PXYLP1: variants seen among roughly 807,000 people sequenced by gnomAD.
The protein encoded by PXYLP1 is acid phosphatase-like 2.
PXYLP1 carries 17 observed loss-of-function variants against 37.9 expected under a neutral mutation model. The observed-to-expected ratio is 0.45, with a 90% CI of 0.31 to 0.67. The LOEUF is 0.67. Among genes scored for constraint, PXYLP1 ranks in the 30% least tolerant of loss-of-function variants. PXYLP1 has a pLI of 0.07. For missense variants in PXYLP1, 511 were observed against 612.0 expected, an observed-to-expected ratio of 0.84 and a Z score of 1.74; for synonymous variants, 221 against 232.2, an observed-to-expected ratio of 0.95 and a Z score of 0.44.
intron 2 of PXYLP1, among the ~76,000 whole-genome samples, chr3:141,276,046 A>G (rs1941786946): frequency 6.6e-6 from 1 of 152,232 alleles, no homozygotes; most frequent in Non-Finnish European, 1.5e-5. Flanking sequence ...ACAACTGCTT[A>G]CAACATTCAG....
chr3:141,262,020 T>A (rs1941404724), intron 2 of PXYLP1: 1 of 153,134 alleles, frequency 6.5e-6, no homozygotes, highest in Non-Finnish European at 1.5e-5. Context: ...TGTTGCAGTT[T>A]GAATGATGGA....
In PXYLP1 at chr3:141,236,527, A is replaced by G. The variant is rs567882034; in HGVS notation, c.-54+4616A>G. ...TCCCACCCCTCAGTTATTCAGAGAC[A>G]TGTGTCTTTTCAACCAACAAAACCA... On this transcript the variant is annotated intron_variant, in intron 1 of 5. Transcript: ENST00000286353. 24 of 152,254 alleles carry G rather than the reference A, an allele frequency of 1.6e-4. No homozygotes were observed. In the South Asian group the frequency reaches 2.9e-3, roughly 18 times the overall value. 9.4% of individuals were successfully genotyped at this position (152,254 alleles called of 1,614,324 possible). A position where few individuals can be genotyped will look rare whatever the true frequency, so the allele number is the denominator to read the frequency against.
chr3:141,264,648 T>G (rs962133361), intron 2 of PXYLP1, among the ~76,000 whole-genome samples: 1 of 152,188 alleles, frequency 6.6e-6, no homozygotes, highest in Non-Finnish European at 1.5e-5. Context: ...TGCTGTGTGC[T>G]GGGACAGGTA....
Position 141,266,092 on chromosome 3 carries a change from C to T in PXYLP1, c.79+5838C>T, listed in dbSNP as rs1383194063. Among the ~76,000 whole-genome samples the T allele has an allele frequency of 7.2e-5, 11 of 152,296 alleles. No individual in the cohort carries two copies. In the East Asian group the frequency reaches 1.5e-3, roughly 21 times the overall value. On this transcript the variant is annotated intron_variant, in intron 2 of 5. Transcript: ENST00000286353. ...GCCACCATCTGGGGACTTTGTATTC[C>T]CTGCTGGTGAAGCCCTGGTTTCCGG...
chr3:141,251,047 T>C (rs900731739), intron 1 of PXYLP1, among the ~76,000 whole-genome samples: 4 of 152,276 alleles, frequency 2.6e-5, no homozygotes, highest in African/African-American at 9.6e-5. Context: ...CATGAACGCC[T>C]GTGCACTTAC....
Position 141,293,058 on chromosome 3 carries a change from C to T in PXYLP1, c.1296C>T (p.Thr432=). The T allele has an allele frequency of 6.2e-7, 1 of 1,614,206 alleles. No individual in the cohort carries two copies. Among genetic ancestry groups the T allele is most frequent in the Non-Finnish European group, 8.5e-7 (1 of 1,180,034 alleles). ...ATGGCGTCGATGTCACATTCCACAC[C>T]TCTTTCTGCCAAGACCACCACAAGC... The part of the protein sequence containing the change: ...LYNGVDVTFH[T]SFCQDHHKRS... Residue 432 remains threonine, a synonymous_variant, in exon 6 of 6, where the codon ACC becomes ACT. Coordinates refer to ENST00000286353, the MANE Select transcript of PXYLP1 (RefSeq NM_001037172.3).
At chr3:141,285,140 T>TTTTC (rs1942041806) in intron 4 of PXYLP1, among the ~76,000 whole-genome samples, 1 of 53,212 alleles carries the variant, frequency 1.9e-5, no homozygotes, top group Admixed American at 2.2e-4. Flanking sequence ...TTCTTTTTCT[T>TTTTC]TTTCTTTTTT....
At chr3:141,274,123 G>A in intron 2 of PXYLP1, 1 of 998,914 alleles carries the variant, frequency 1.0e-6, no homozygotes, top group Non-Finnish European at 1.2e-6. Context: ...AAAGCCTGCT[G>A]GGAGGAGCAG....
intron 1 of PXYLP1, among the ~76,000 whole-genome samples, chr3:141,255,268 T>C (rs1941239783): frequency 6.6e-6 from 1 of 152,214 alleles, no homozygotes; most frequent in Admixed American, 6.5e-5. Context: ...AATTTCTAGG[T>C]TTCAGATATT....
intron 1 of PXYLP1, among the ~76,000 whole-genome samples, chr3:141,241,630 G>A (rs758887836): frequency 2.6e-5 from 4 of 152,190 alleles, no homozygotes; most frequent in Non-Finnish European, 5.9e-5. Flanking sequence ...TGAAAAGGGG[G>A]AACAGCAAGT....
At chr3:141,246,029 A>G (rs1940928584) in intron 1 of PXYLP1, among the ~76,000 whole-genome samples, 1 of 152,176 alleles carries the variant, frequency 6.6e-6, no homozygotes, top group Non-Finnish European at 1.5e-5. Flanking sequence ...TCTTCCCCCG[A>G]CTGACCGACT....
intron 1 of PXYLP1, among the ~76,000 whole-genome samples, chr3:141,249,333 C>T (rs557331827): frequency 3.3e-5 from 5 of 152,148 alleles, no homozygotes; most frequent in African/African-American, 4.8e-5. Context: ...CGTGAGTGCT[C>T]CTGTCCATGA....
At chr3:141,265,025 T>C (rs941600424) in intron 2 of PXYLP1, among the ~76,000 whole-genome samples, 1 of 152,156 alleles carries the variant, frequency 6.6e-6, no homozygotes, top group African/African-American at 2.4e-5. Context: ...AGAGGTGGCA[T>C]CTGAGTTCAT....
chr3:141,244,463 C>T (rs368196955), intron 1 of PXYLP1, among the ~76,000 whole-genome samples: 2 of 151,794 alleles, frequency 1.3e-5, no homozygotes, highest in East Asian at 3.9e-4. Flanking sequence ...CAATAGAGAT[C>T]ACACTGTTAA....
intron 2 of PXYLP1, chr3:141,273,615 A>C (rs759616380): frequency 1.0e-6 from 1 of 985,348 alleles, no homozygotes; most frequent in Non-Finnish European, 1.2e-6. Context: ...TCCCAAGGAG[A>C]TGCTTTAGAG....
At chr3:141,268,206 A>AGT (rs112453738) in intron 2 of PXYLP1, among the ~76,000 whole-genome samples, 298 of 51,410 alleles carry the variant, frequency 5.8e-3, no homozygotes, top group Middle Eastern at 0.013. Context: ...AGAGAGAGAG[A>AGT]GTGTGTGTGT....
intron 2 of PXYLP1, among the ~76,000 whole-genome samples, chr3:141,275,642 G>A (rs781122980): frequency 1.1e-4 from 16 of 152,208 alleles, no homozygotes; most frequent in Non-Finnish European, 1.9e-4. Flanking sequence ...GAACACCTGG[G>A]CTGTGTTAGC....
chr3:141,249,340 A>G (rs1033005889), intron 1 of PXYLP1, among the ~76,000 whole-genome samples: 3 of 152,206 alleles, frequency 2.0e-5, no homozygotes, highest in Admixed American at 6.5e-5. Flanking sequence ...GCTCCTGTCC[A>G]TGAGTCCATC....
intron 1 of PXYLP1, among the ~76,000 whole-genome samples, chr3:141,247,918 C>G (rs1349830375): frequency 6.6e-6 from 1 of 152,112 alleles, no homozygotes; most frequent in Non-Finnish European, 1.5e-5. Flanking sequence ...ACCACTTTGG[C>G]TCCCAAATTT....
Sources: allele counts gnomAD v4.1 joint callset (sites outside exome capture counted in the v4.1 genomes callset), GRCh38; gene constraint gnomAD v4.1.1; transcripts MANE v1.5; gene names NCBI Gene and HGNC (gene_info 2026-07-23, HGNC 2026-07-21).